FHIT: variants seen among roughly 807,000 people sequenced by gnomAD.
FHIT encodes bis(5'-adenosyl)-triphosphatase.
Under a neutral mutation model 17.9 loss-of-function variants are expected in FHIT, and 19 were observed. The observed-to-expected ratio is 1.06, with a 90% confidence interval of 0.74 to 1.56. FHIT has a LOEUF of 1.56. FHIT is among the 40% of genes most tolerant of loss of function. The pLI is 0.00. For missense variants in FHIT, 248 were observed against 189.2 expected (o/e 1.31, Z -1.82); for synonymous variants, 81 against 69.7 (o/e 1.16, Z -0.81).
At chr3:59,818,772 A>T (rs1039973618) in intron 8 of FHIT, among the ~76,000 whole-genome samples, 4 of 152,112 alleles carry the variant, frequency 2.6e-5, no homozygotes, top group African/African-American at 9.7e-5. Context: ...CTGCTCACCC[A>T]TTTCTCCTTC....
rs1700690359 is a variant in FHIT, at chr3:59,747,877, TG to T, written c.*1707del. 6.6e-6 allele frequency among the ~76,000 whole-genome samples: 1 copy of T among 152,174 alleles called. No homozygotes were observed. The highest frequency in any genetic ancestry group is 1.5e-5 in the Non-Finnish European group (1 of 68,012). ...GCCAGCTTGCTCTGGGTTTAAGATC[TG>T]GCCTCCACTGCTGTTTCTCCAAAGT... On this transcript the variant is annotated 3_prime_UTR_variant, in exon 10 of 10. Transcript: ENST00000492590.
At chr3:60,282,116 T>G (rs1707489030) in intron 5 of FHIT, among the ~76,000 whole-genome samples, 1 of 152,214 alleles carries the variant, frequency 6.6e-6, no homozygotes, top group Non-Finnish European at 1.5e-5. Context: ...CTTATAAATC[T>G]AAACATAGTT....
intron 4 of FHIT, among the ~76,000 whole-genome samples, chr3:60,811,281 G>C (rs976220466): frequency 4.6e-5 from 7 of 151,962 alleles, no homozygotes; most frequent in Non-Finnish European, 8.8e-5. Flanking sequence ...CTCACAAATG[G>C]GATTTTATTT....
chr3:60,378,520 T>C (rs1486713046), intron 5 of FHIT, among the ~76,000 whole-genome samples: 1 of 151,932 alleles, frequency 6.6e-6, no homozygotes, highest in Non-Finnish European at 1.5e-5. Context: ...CATTTGGAGG[T>C]TGAAATACCA....
chr3:60,615,419 A>C (rs2038921867), intron 4 of FHIT, among the ~76,000 whole-genome samples: 1 of 152,206 alleles, frequency 6.6e-6, no homozygotes, highest in Non-Finnish European at 1.5e-5. Context: ...TCAATACTCT[A>C]GACTGAAGTT....
intron 5 of FHIT, among the ~76,000 whole-genome samples, chr3:60,188,895 C>T (rs577688019): frequency 8.5e-5 from 13 of 152,056 alleles, no homozygotes; most frequent in African/African-American, 3.1e-4. Flanking sequence ...CGCAGGGCAC[C>T]CCAGTAGAAG....
At chr3:60,287,186 T>C (rs2107658986) in intron 5 of FHIT, among the ~76,000 whole-genome samples, 1 of 152,300 alleles carries the variant, frequency 6.6e-6, no homozygotes. Context: ...CATTTTTTTT[T>C]CAGACAGAGT....
chr3:60,331,733 C>T (rs540268688), intron 5 of FHIT, among the ~76,000 whole-genome samples: 3 of 152,026 alleles, frequency 2.0e-5, no homozygotes, highest in South Asian at 4.2e-4. Flanking sequence ...GTAATCCCAG[C>T]TACTTGGGAG....
intron 5 of FHIT, among the ~76,000 whole-genome samples, chr3:60,044,643 T>C (rs1275354464): frequency 6.6e-6 from 1 of 152,176 alleles, no homozygotes; most frequent in Non-Finnish European, 1.5e-5. Context: ...GCTCATATGA[T>C]ACAGGATTTT....
chr3:61,231,822 C>G (rs1302886162), intron 1 of FHIT, among the ~76,000 whole-genome samples: 1 of 152,128 alleles, frequency 6.6e-6, no homozygotes, highest in Non-Finnish European at 1.5e-5. Flanking sequence ...GCAGAAAACA[C>G]AGGGAGGGAT....
intron 8 of FHIT, among the ~76,000 whole-genome samples, chr3:59,759,245 GAGA>G (rs1190608938): frequency 1.3e-5 from 2 of 151,882 alleles, no homozygotes; most frequent in Non-Finnish European, 2.9e-5. Context: ...GGGCAGGGCT[GAGA>G]AGTTTGGATT....
chr3:59,869,766 G>C (rs965369055), intron 8 of FHIT, among the ~76,000 whole-genome samples: 3 of 151,708 alleles, frequency 2.0e-5, no homozygotes, highest in Admixed American at 6.6e-5. Context: ...GATTACAGGT[G>C]TGAGCCACCA....
intron 8 of FHIT, among the ~76,000 whole-genome samples, chr3:59,909,531 C>T (rs572835749): frequency 5.9e-5 from 9 of 152,036 alleles, no homozygotes; most frequent in Admixed American, 2.6e-4. Context: ...GGTTTCACCA[C>T]GTTGGCCAGG....
At chr3:59,833,927 A>G (rs115097384) in intron 8 of FHIT, among the ~76,000 whole-genome samples, 10 of 152,238 alleles carry the variant, frequency 6.6e-5, no homozygotes, top group African/African-American at 2.2e-4. Context: ...AGGTGCCTGC[A>G]TCTCCTTTGC....
chr3:60,655,067 G>C (rs1553689220), intron 4 of FHIT, among the ~76,000 whole-genome samples: 1 of 152,156 alleles, frequency 6.6e-6, no homozygotes, highest in Non-Finnish European at 1.5e-5. Context: ...GTTATGGTGG[G>C]AGCATGTGAA....
chr3:60,903,139 A>C (rs1338927446), intron 3 of FHIT, among the ~76,000 whole-genome samples: 1 of 152,224 alleles, frequency 6.6e-6, no homozygotes, highest in African/African-American at 2.4e-5. Context: ...AATAAAATGT[A>C]TGATTATTAT....
chr3:61,126,252 TA>T (rs61703631), intron 2 of FHIT, among the ~76,000 whole-genome samples: 37,215 of 150,020 alleles, frequency 0.25, 4,787 homozygotes, highest in African/African-American at 0.33. Context: ...AAAACAAAAG[TA>T]AAAAAAAAAC....
chr3:60,600,974 C>A (rs2038427312), intron 4 of FHIT, among the ~76,000 whole-genome samples: 1 of 152,120 alleles, frequency 6.6e-6, no homozygotes, highest in Non-Finnish European at 1.5e-5. Context: ...CTTCCGGGCC[C>A]CTCACCTATG....
chr3:61,194,696 T>C (rs996913765), intron 2 of FHIT, among the ~76,000 whole-genome samples: 2 of 152,174 alleles, frequency 1.3e-5, no homozygotes, highest in Non-Finnish European at 2.9e-5. Context: ...TATAGCACTT[T>C]AAAGAGTTGA....
Sources: allele counts gnomAD v4.1 joint callset (sites outside exome capture counted in the v4.1 genomes callset), GRCh38; gene constraint gnomAD v4.1.1; transcripts MANE v1.5; gene names NCBI Gene and HGNC (gene_info 2026-07-23, HGNC 2026-07-21).